Variants in NALCN observed in about 807,000 individuals in gnomAD.
NALCN encodes the protein sodium leak channel, non-selective, also known as sodium leak channel NALCN.
In NALCN, 111 loss-of-function variants were observed where a neutral mutation model predicts 225.3. The observed-to-expected ratio is 0.49, with a 90% CI of 0.42 to 0.58. The LOEUF (loss-of-function observed/expected upper bound fraction) is 0.58. Among genes scored for constraint, NALCN ranks in the 20% least tolerant of loss-of-function variants. The probability of loss-of-function intolerance (pLI) is 0.00; values close to 1 mark genes in which losing one functional copy is unlikely to be tolerated. For missense variants in NALCN, 1,378 were observed against 2,202.4 expected (o/e 0.63, Z 7.49); for synonymous variants, 764 against 769.0 (o/e 0.99, Z 0.11).
intron 6 of NALCN, among the ~76,000 whole-genome samples, chr13:101,355,043 C>G (rs966935231): frequency 3.3e-5 from 5 of 152,052 alleles, no homozygotes; most frequent in African/African-American, 1.2e-4. Context: ...TGGTCATTTA[C>G]AAGTGTAGGG....
Position 101,357,424 on chromosome 13 carries a change from C to T in NALCN, c.645-12004G>A, listed in dbSNP as rs536378339. On this transcript the variant is annotated intron_variant, in intron 6 of 43. Coordinates refer to ENST00000251127, the MANE Select transcript of NALCN (RefSeq NM_052867.4). ...CAGAGAGCCAAATCATGAATGAACT[C>T]CCATTCACAATTGCTACAAAGAGAA... Among the ~76,000 whole-genome samples the T allele has an allele frequency of 4.6e-5, 7 of 152,194 alleles. No homozygotes were observed. In the East Asian group the frequency reaches 1.4e-3, roughly 29 times the overall value.
intron 7 of NALCN, among the ~76,000 whole-genome samples, chr13:101,342,733 G>A (rs141763724): frequency 0.011 from 1,697 of 152,198 alleles, 30 homozygotes; most frequent in African/African-American, 0.038. Flanking sequence ...CAATCTTCTT[G>A]ATATTTGGAT....
chr13:101,257,458 G>A (rs2042276948), intron 11 of NALCN, among the ~76,000 whole-genome samples: 1 of 152,122 alleles, frequency 6.6e-6, no homozygotes, highest in Non-Finnish European at 1.5e-5. Flanking sequence ...TGCGTGGGTA[G>A]ACTAAATTTT....
intron 15 of NALCN, among the ~76,000 whole-genome samples, chr13:101,163,366 T>C (rs999681704): frequency 6.6e-6 from 1 of 152,136 alleles, no homozygotes; most frequent in African/African-American, 2.4e-5. Flanking sequence ...GTTTGTTCCA[T>C]GGTAAGAGAG....
chr13:101,265,980 G>A (rs1268073576), intron 10 of NALCN, among the ~76,000 whole-genome samples: 1 of 152,236 alleles, frequency 6.6e-6, no homozygotes, highest in Admixed American at 6.5e-5. Context: ...AAAGATTTAA[G>A]ATTGCCATGG....
intron 6 of NALCN, among the ~76,000 whole-genome samples, chr13:101,348,688 T>A (rs1381038598): frequency 6.6e-6 from 1 of 152,168 alleles, no homozygotes; most frequent in African/African-American, 2.4e-5. Context: ...TTAGTGCTGA[T>A]ACTCATTTTA....
chr13:101,347,923 T>TA (rs544928462), intron 6 of NALCN, among the ~76,000 whole-genome samples: 152 of 152,220 alleles, frequency 1.0e-3, no homozygotes, highest in African/African-American at 3.4e-3. Context: ...TCCCAGCATG[T>TA]AAAAACAGAA....
In NALCN at chr13:101,075,791, G is replaced by T. The variant is rs2033213359; in HGVS notation, c.3954+82C>A. 6 of 1,178,760 alleles carry T rather than the reference G, an allele frequency of 5.1e-6. No homozygotes were observed. The South Asian group carries it at 9.2e-5, about 18-fold the overall frequency. The allele number at this position is 1,178,760 out of a possible 1,614,324, so 73.0% of individuals were successfully genotyped here. ...GTGATTACATCCCTAAATAACCGAG[G>T]TAAGGCTGTAATCAATTAATCACCA... On this transcript the variant is annotated intron_variant, in intron 35 of 43. Coordinates refer to ENST00000251127, the MANE Select transcript of NALCN (RefSeq NM_052867.4).
intron 7 of NALCN, among the ~76,000 whole-genome samples, chr13:101,300,345 C>G (rs2043910039): frequency 8.6e-6 from 1 of 116,902 alleles, no homozygotes; most frequent in Non-Finnish European, 1.7e-5. Context: ...CCTTCTTTTT[C>G]TTTTTCTTCT....
At chr13:101,230,629 T>A (rs2041306444) in intron 12 of NALCN, among the ~76,000 whole-genome samples, 1 of 152,184 alleles carries the variant, frequency 6.6e-6, no homozygotes, top group Admixed American at 6.5e-5. Context: ...GTGTAGCCCC[T>A]TTGGACCAGA....
intron 3 of NALCN, among the ~76,000 whole-genome samples, chr13:101,387,991 A>G (rs2047042397): frequency 6.6e-6 from 1 of 152,224 alleles, no homozygotes; most frequent in Admixed American, 6.5e-5. Context: ...AATAATATCA[A>G]GCCCAATATA....
At chr13:101,073,797 T>C in intron 36 of NALCN, 120 bp from the exon 37 acceptor site, 2 of 726,230 alleles carry the variant, frequency 2.8e-6, no homozygotes, top group South Asian at 3.6e-5. Context: ...CTAAGTCACC[T>C]TTTCCAAAGG....
chr13:101,320,270 A>G (rs1379373779), intron 7 of NALCN, among the ~76,000 whole-genome samples: 2 of 152,244 alleles, frequency 1.3e-5, no homozygotes, highest in African/African-American at 4.8e-5. Flanking sequence ...ACTCACTAAA[A>G]TTAATACAAA....
At chr13:101,377,904 C>A (rs1343763022) in intron 4 of NALCN, among the ~76,000 whole-genome samples, 1 of 152,080 alleles carries the variant, frequency 6.6e-6, no homozygotes, top group South Asian at 2.1e-4. Context: ...AATGAATGCA[C>A]AGAAATTAAT....
intron 18 of NALCN, among the ~76,000 whole-genome samples, chr13:101,113,574 A>T (rs904094431): frequency 3.3e-5 from 5 of 152,232 alleles, no homozygotes; most frequent in Non-Finnish European, 7.3e-5. Context: ...AAAGCATGGT[A>T]AAAGTTTGCT....
At chr13:101,227,984 T>C (rs1165538525) in intron 13 of NALCN, among the ~76,000 whole-genome samples, 1 of 152,186 alleles carries the variant, frequency 6.6e-6, no homozygotes, top group Non-Finnish European at 1.5e-5. Context: ...GACTTTTCCA[T>C]GCCTGGGAAT....
chr13:101,254,500 C>A (rs1257036057), intron 11 of NALCN, among the ~76,000 whole-genome samples: 1 of 151,548 alleles, frequency 6.6e-6, no homozygotes, highest in Non-Finnish European at 1.5e-5. Flanking sequence ...TTGTTTAAGT[C>A]AACAAAATCA....
chr13:101,392,108 G>A (rs1270366705), intron 3 of NALCN, among the ~76,000 whole-genome samples: 1 of 151,538 alleles, frequency 6.6e-6, no homozygotes, highest in Non-Finnish European at 1.5e-5. Context: ...AACGCAACAG[G>A]ACCAGATGAT....
intron 3 of NALCN, among the ~76,000 whole-genome samples, chr13:101,391,409 A>G (rs901438358): frequency 5.3e-5 from 8 of 152,182 alleles, no homozygotes; most frequent in African/African-American, 7.2e-5. Flanking sequence ...TTGACTGAAC[A>G]CTGTGACTCA....
Sources: allele counts gnomAD v4.1 joint callset (sites outside exome capture counted in the v4.1 genomes callset), GRCh38; gene constraint gnomAD v4.1.1; transcripts MANE v1.5; gene names NCBI Gene and HGNC (gene_info 2026-07-23, HGNC 2026-07-21).